Variants in PLCL1 observed in about 807,000 individuals in gnomAD.
PLCL1 encodes the protein phospholipase C like 1 (inactive), also known as inactive phospholipase C-like protein 1.
A neutral mutation model predicts 84.4 loss-of-function variants in PLCL1; 41 were observed. The ratio of observed to expected loss-of-function variants is 0.49; its 90% CI spans 0.38 to 0.63. The LOEUF (loss-of-function observed/expected upper bound fraction) is 0.63. Among genes scored for constraint, PLCL1 ranks in the 30% least tolerant of loss-of-function variants. The probability of loss-of-function intolerance (pLI) is 0.00; values close to 1 mark genes in which losing one functional copy is unlikely to be tolerated. For missense variants in PLCL1, 1,206 were observed against 1,367.8 expected, an observed-to-expected ratio of 0.88 and a Z score of 1.87; for synonymous variants, 490 against 488.3, an observed-to-expected ratio of 1.00 and a Z score of -0.05.
intron 1 of PLCL1, among the ~76,000 whole-genome samples, chr2:198,008,874 C>T (rs935792303): frequency 5.9e-5 from 9 of 152,026 alleles, no homozygotes; most frequent in Middle Eastern, 3.4e-3. Flanking sequence ...TGGTATTTTA[C>T]GCTCTTTTGA....
chr2:197,838,879 G>C (rs971184187), intron 1 of PLCL1, among the ~76,000 whole-genome samples: 3 of 152,198 alleles, frequency 2.0e-5, no homozygotes, highest in Non-Finnish European at 4.4e-5. Context: ...TATCTAAAGA[G>C]ATCACTGTTA....
At chr2:197,845,636 T>C (rs1468635093) in intron 1 of PLCL1, among the ~76,000 whole-genome samples, 2 of 152,098 alleles carry the variant, frequency 1.3e-5, no homozygotes, top group East Asian at 3.9e-4. Flanking sequence ...TAGATAAACA[T>C]ATATCTTTAC....
chr2:198,093,184 G>A (rs945876930), intron 3 of PLCL1, among the ~76,000 whole-genome samples: 11 of 152,144 alleles, frequency 7.2e-5, no homozygotes, highest in African/African-American at 2.7e-4. Context: ...TTAAGGCAGT[G>A]GAACTATTCT....
intron 5 of PLCL1, among the ~76,000 whole-genome samples, chr2:198,110,218 GC>G (rs1254510606): frequency 6.6e-6 from 1 of 151,870 alleles, no homozygotes; most frequent in African/African-American, 2.4e-5. Flanking sequence ...ATTCTGGGCT[GC>G]TTTTATAAAT....
At chr2:197,968,663 G>T (rs1689796761) in intron 1 of PLCL1, among the ~76,000 whole-genome samples, 1 of 152,162 alleles carries the variant, frequency 6.6e-6, no homozygotes, top group African/African-American at 2.4e-5. Context: ...AGAATGGTCT[G>T]TTTCTCAACA....
In PLCL1 at chr2:198,084,511, G is replaced by A. The variant is rs201389033; in HGVS notation, c.994G>A (p.Ala332Thr). The change falls in exon 2 of 6, where the codon GCC becomes ACC. Residue 332 changes from alanine to threonine, a missense_variant. Ala to Thr is a moderately conservative substitution (Grantham distance 58). Coordinates refer to ENST00000428675, the MANE Select transcript of PLCL1 (RefSeq NM_006226.4). ...ATCTAAAAACAAAGAATATTTGGAT[G>A]CCAATGATCTCATGCTCTTTTTAGA... ...QISKNKEYLD[A>T]NDLMLFLEAE... is the part of the protein sequence containing the mutation. The A allele has an allele frequency of 5.0e-6, 8 of 1,613,928 alleles. No homozygotes were observed. The East Asian group carries it at 1.8e-4, about 36-fold the overall frequency.
At chr2:197,961,795 T>C (rs1248647647) in intron 1 of PLCL1, among the ~76,000 whole-genome samples, 1 of 152,008 alleles carries the variant, frequency 6.6e-6, no homozygotes, top group Non-Finnish European at 1.5e-5. Context: ...GGATAGGTGA[T>C]AATGGTGCTT....
intron 1 of PLCL1, among the ~76,000 whole-genome samples, chr2:197,852,182 A>G (rs1350207446): frequency 6.6e-6 from 1 of 152,024 alleles, no homozygotes; most frequent in South Asian, 2.1e-4. Flanking sequence ...ATTCAAGGCA[A>G]CGTGCCTTTC....
intron 1 of PLCL1, among the ~76,000 whole-genome samples, chr2:198,023,422 T>G (rs2105841846): frequency 6.6e-6 from 1 of 152,264 alleles, no homozygotes; most frequent in Admixed American, 6.5e-5. Context: ...ACTAAAGAGC[T>G]TCTGCACAGC....
chr2:197,938,583 G>A (rs895085255), intron 1 of PLCL1, among the ~76,000 whole-genome samples: 2 of 152,024 alleles, frequency 1.3e-5, no homozygotes, highest in African/African-American at 4.8e-5. Context: ...TTTTATCTTG[G>A]GCCCAAATCT....
At chr2:198,002,026 T>G (rs1690613563) in intron 1 of PLCL1, 1 of 417,630 alleles carries the variant, frequency 2.4e-6, no homozygotes, top group Non-Finnish European at 4.8e-6. Context: ...GTATAATTAT[T>G]TCATTATATA....
intron 5 of PLCL1, among the ~76,000 whole-genome samples, chr2:198,140,640 G>A (rs1183132485): frequency 6.6e-6 from 1 of 152,058 alleles, no homozygotes; most frequent in African/African-American, 2.4e-5. Flanking sequence ...TCATTATGTT[G>A]AATTTTAACA....
At chr2:198,039,750 A>G (rs1691617414) in intron 1 of PLCL1, among the ~76,000 whole-genome samples, 1 of 152,234 alleles carries the variant, frequency 6.6e-6, no homozygotes, top group African/African-American at 2.4e-5. Flanking sequence ...GTGTGCAAAC[A>G]CATCACTCAT....
chr2:198,142,846 C>A (rs1694421632), intron 5 of PLCL1, among the ~76,000 whole-genome samples: 1 of 151,852 alleles, frequency 6.6e-6, no homozygotes, highest in African/African-American at 2.4e-5. Flanking sequence ...TACTTCAAAT[C>A]CCCATGAGAT....
intron 1 of PLCL1, among the ~76,000 whole-genome samples, chr2:197,841,611 A>G (rs2105669549): frequency 6.6e-6 from 1 of 152,304 alleles, no homozygotes; most frequent in East Asian, 1.9e-4. Context: ...TTGTTTATTC[A>G]CTTATTGAAG....
At chr2:197,978,477 C>CA (rs571774730) in intron 1 of PLCL1, among the ~76,000 whole-genome samples, 4 of 151,762 alleles carry the variant, frequency 2.6e-5, no homozygotes, top group Non-Finnish European at 4.4e-5. Context: ...GACTCCGTCT[C>CA]AAAAAAACAA....
At chr2:197,946,464 C>T (rs777377949) in intron 1 of PLCL1, among the ~76,000 whole-genome samples, 38 of 151,980 alleles carry the variant, frequency 2.5e-4, no homozygotes, top group Non-Finnish European at 5.1e-4. Context: ...TGAAAAATGG[C>T]AAGCAAAGAT....
intron 1 of PLCL1, among the ~76,000 whole-genome samples, chr2:197,819,444 A>G (rs891840171): frequency 2.0e-5 from 3 of 152,174 alleles, no homozygotes; most frequent in Non-Finnish European, 2.9e-5. Context: ...TATCAGTAAT[A>G]ACTGGAGTAT....
At chr2:198,019,064 C>G (rs1475324748) in intron 1 of PLCL1, among the ~76,000 whole-genome samples, 4 of 152,196 alleles carry the variant, frequency 2.6e-5, no homozygotes, top group East Asian at 3.9e-4. Context: ...TGTTCTGCAG[C>G]CTCTGCTGGT....
Sources: allele counts gnomAD v4.1 joint callset (sites outside exome capture counted in the v4.1 genomes callset), GRCh38; gene constraint gnomAD v4.1.1; transcripts MANE v1.5; gene names NCBI Gene and HGNC (gene_info 2026-07-23, HGNC 2026-07-21).